Variants in SPEF2 observed in about 807,000 individuals in gnomAD.
SPEF2 encodes the protein sperm flagellar and cilia associated 2.
In SPEF2, 187 loss-of-function variants were observed where a neutral mutation model predicts 224.6. The ratio of observed to expected loss-of-function variants is 0.83; its 90% CI spans 0.74 to 0.94. The LOEUF is 0.94. Among genes scored for constraint, SPEF2 ranks in the 40% least tolerant of loss-of-function variants. SPEF2 has a pLI of 0.00. For synonymous variants in SPEF2, 715 were observed against 707.3 expected (o/e 1.01, Z -0.17); for missense variants, 2,170 against 2,135.6 (o/e 1.02, Z -0.32).
At chr5:35,799,575 A>G (rs1757146204) in intron 33 of SPEF2, among the ~76,000 whole-genome samples, 1 of 152,052 alleles carries the variant, frequency 6.6e-6, no homozygotes, top group African/African-American at 2.4e-5. Flanking sequence ...CACTCCCCAC[A>G]GAGACCGATG....
rs1473169248 is a variant in SPEF2, at chr5:35,793,284, G to A, written c.4680G>A (p.Lys1560=). The A allele has an allele frequency of 5.6e-6, 9 of 1,614,114 alleles. No homozygotes were observed. The highest frequency in any genetic ancestry group is 5.9e-6 in the Non-Finnish European group (7 of 1,179,984). The change falls in exon 32 of 37, where the codon AAG becomes AAA. Residue 1560 remains lysine, a synonymous_variant. Transcript: ENST00000356031. ...LEEELLETLQ[K]FKAVDKEQLG... The stretch of plus-strand genomic sequence containing the variant: ...AGGAGCTCCTTGAGACCCTTCAGAA[G>A]TTCAAGGCTGTGGATAAGGAGCAGT...
intron 6 of SPEF2, among the ~76,000 whole-genome samples, chr5:35,653,518 G>T (rs1377566529): frequency 1.3e-5 from 2 of 152,168 alleles, no homozygotes; most frequent in Non-Finnish European, 2.9e-5. Context: ...GTCTGCTGTT[G>T]CGAGCTGTGC....
intron 26 of SPEF2, among the ~76,000 whole-genome samples, chr5:35,765,184 T>G (rs1751924958): frequency 6.6e-6 from 1 of 152,208 alleles, no homozygotes. Flanking sequence ...TTTTCCTTGC[T>G]TTTGAGCTTT....
chr5:35,773,708 A>G (rs911332030), intron 27 of SPEF2, among the ~76,000 whole-genome samples, 185 bp from the exon 28 acceptor site: 6 of 152,228 alleles, frequency 3.9e-5, no homozygotes, highest in African/African-American at 1.4e-4. Context: ...GGAACCATAC[A>G]GAGAATTCTC....
intron 4 of SPEF2, among the ~76,000 whole-genome samples, chr5:35,645,220 A>G (rs909642179): frequency 2.0e-5 from 3 of 152,350 alleles, no homozygotes; most frequent in East Asian, 1.9e-4. Context: ...AGTTCTTCCC[A>G]TTGCACTGTA....
chr5:35,726,983 C>CA (rs1491522163), intron 20 of SPEF2, among the ~76,000 whole-genome samples: 2 of 63,880 alleles, frequency 3.1e-5, no homozygotes, highest in African/African-American at 1.0e-4. Flanking sequence ...TTCCCAAGCA[C>CA]CCCCCCCCTT....
intron 21 of SPEF2, among the ~76,000 whole-genome samples, chr5:35,728,374 C>T (rs1745043548): frequency 6.6e-6 from 1 of 152,202 alleles, no homozygotes; most frequent in Non-Finnish European, 1.5e-5. Flanking sequence ...GGCCCAGTTG[C>T]CATCTACTAT....
At chr5:35,785,629 C>A (rs1754996094) in intron 30 of SPEF2, among the ~76,000 whole-genome samples, 1 of 150,104 alleles carries the variant, frequency 6.7e-6, no homozygotes, top group African/African-American at 2.5e-5. Flanking sequence ...ACTACAGCCT[C>A]AGCACAACCC....
chr5:35,757,841 A>G (rs774397588), intron 24 of SPEF2, among the ~76,000 whole-genome samples: 125 of 152,204 alleles, frequency 8.2e-4, no homozygotes, highest in Non-Finnish European at 6.3e-4. Flanking sequence ...AAAATGTTCT[A>G]TAATGTGAGA....
chr5:35,685,581 G>T (rs1363475923), intron 10 of SPEF2, among the ~76,000 whole-genome samples: 1 of 151,946 alleles, frequency 6.6e-6, no homozygotes, highest in East Asian at 1.9e-4. Context: ...GACTTAATCT[G>T]TTACTAAGGG....
chr5:35,692,642 A>G lies in SPEF2; in HGVS notation c.1817A>G (p.Lys606Arg), dbSNP rs556811195. 1.9e-6 allele frequency: 3 copies of G among 1,613,636 alleles called. No individual in the cohort carries two copies. In the South Asian group the frequency reaches 3.3e-5, roughly 18 times the overall value. Residue 606 changes from lysine (K) to arginine (R), a missense_variant, in exon 12 of 37, where the codon AAA (lysine) becomes AGA (arginine). Transcript: ENST00000356031. ...ATCCAAGCATTTCATGACAATGAAAAAGTCAGTGAGGTTCTACCAATTCAG... is the reference window on the plus strand; with the variant it reads ...ATCCAAGCATTTCATGACAATGAAAGAGTCAGTGAGGTTCTACCAATTCAG... Reference protein sequence around the residue: ...EAIQAFHDNEKVSEVLPIQKN... With the variant: ...EAIQAFHDNERVSEVLPIQKN...
At chr5:35,736,468 A>AGTGTGTGT (rs139387194) in intron 21 of SPEF2, among the ~76,000 whole-genome samples, 128 of 149,246 alleles carry the variant, frequency 8.6e-4, no homozygotes, top group African/African-American at 2.2e-3. Flanking sequence ...CAAGTGACAG[A>AGTGTGTGT]GTGTGTGTGT....
At chr5:35,731,436 A>G (rs746534239) in intron 21 of SPEF2, among the ~76,000 whole-genome samples, 1 of 152,204 alleles carries the variant, frequency 6.6e-6, no homozygotes, top group Non-Finnish European at 1.5e-5. Flanking sequence ...TTTACATATG[A>G]CAATGATTTT....
At chr5:35,793,452 A>C in intron 32 of SPEF2, 111 bp downstream of exon 32, 5 of 1,099,512 alleles carry the variant, frequency 4.5e-6, no homozygotes, top group East Asian at 2.8e-5. Flanking sequence ...ATTGCTTCTC[A>C]GCTCCCCATG....
intron 19 of SPEF2, among the ~76,000 whole-genome samples, chr5:35,712,214 C>T (rs766575610): frequency 1.4e-4 from 21 of 152,010 alleles, no homozygotes; most frequent in Non-Finnish European, 1.0e-4. Context: ...ACCTGTTCTT[C>T]AAAGTGTTTG....
intron 5 of SPEF2, among the ~76,000 whole-genome samples, chr5:35,647,709 C>T (rs1382793974): frequency 2.0e-5 from 3 of 151,976 alleles, no homozygotes; most frequent in East Asian, 3.9e-4. Flanking sequence ...GTACACATAG[C>T]ATATGTATGC....
At chr5:35,743,406 GAA>G (rs1747990212) in intron 23 of SPEF2, among the ~76,000 whole-genome samples, 2 of 152,030 alleles carry the variant, frequency 1.3e-5, no homozygotes, top group African/African-American at 4.8e-5. Flanking sequence ...TTGGATATTA[GAA>G]AATATCCATG....
At chr5:35,811,767 CT>C (rs1203514196) in intron 36 of SPEF2, among the ~76,000 whole-genome samples, 340 of 115,402 alleles carry the variant, frequency 2.9e-3, no homozygotes, top group East Asian at 0.024. Context: ...TTTGCCATTA[CT>C]TTTTTTTTTT....
chr5:35,654,468 T>A (rs988986343), intron 6 of SPEF2, 72 bp from the exon 7 acceptor site: 12 of 1,268,770 alleles, frequency 9.5e-6, no homozygotes, highest in Non-Finnish European at 1.3e-5. Flanking sequence ...GAGGTCTTTC[T>A]CCATAGTCAC....
Sources: allele counts gnomAD v4.1 joint callset (sites outside exome capture counted in the v4.1 genomes callset), GRCh38; gene constraint gnomAD v4.1.1; transcripts MANE v1.5; gene names NCBI Gene and HGNC (gene_info 2026-07-23, HGNC 2026-07-21).